TENM1: variants seen among roughly 807,000 people sequenced by gnomAD.
TENM1 encodes the protein teneurin-1.
Under a neutral mutation model 174.8 loss-of-function variants are expected in TENM1, and 35 were observed. The ratio of observed to expected loss-of-function variants is 0.20; its 90% CI spans 0.15 to 0.27. The LOEUF is 0.27. Ranked by LOEUF, TENM1 falls within the 10% of genes least tolerant of loss-of-function variation. The pLI is 1.00. For missense variants in TENM1, 1,633 were observed against 2,130.1 expected (o/e 0.77, Z 4.59); for synonymous variants, 781 against 798.7 (o/e 0.98, Z 0.37).
At chrX:124,891,655 CA>C (rs776826752) in intron 3 of TENM1, among the ~76,000 whole-genome samples, 1,404 of 84,024 alleles carry the variant, frequency 0.017, 17 homozygotes, top group African/African-American at 0.039. Flanking sequence ...AAGACTCTGT[CA>C]AAAAAAAAAA....
At chrX:124,900,276 A>T (rs2057636289) in intron 1 of TENM1, among the ~76,000 whole-genome samples, 1 of 111,962 alleles carries the variant, frequency 8.9e-6, no homozygotes, top group African/African-American at 3.3e-5. Flanking sequence ...TGCTAAGTGA[A>T]AGAAGACAGA....
chrX:124,914,011 T>G (rs773012789), intron 1 of TENM1, among the ~76,000 whole-genome samples: 1 of 111,988 alleles, frequency 8.9e-6, no homozygotes, highest in South Asian at 3.7e-4. Flanking sequence ...GCAAGGAAAC[T>G]GACTCTGAAG....
At chrX:124,647,484 G>C (rs190551968) in intron 8 of TENM1, among the ~76,000 whole-genome samples, 2 of 111,359 alleles carry the variant, frequency 1.8e-5, no homozygotes, top group Non-Finnish European at 3.8e-5. Context: ...CAGATGAATT[G>C]AGATGGCTTT....
chrX:124,563,238 G>T (rs1258412757), intron 13 of TENM1, among the ~76,000 whole-genome samples: 1 of 110,358 alleles, frequency 9.1e-6, no homozygotes, highest in African/African-American at 3.3e-5. Context: ...GCTCCTTGGA[G>T]GGATGGATGA....
intron 4 of TENM1, among the ~76,000 whole-genome samples, chrX:124,713,410 A>C (rs2053107337): frequency 9.0e-6 from 1 of 110,861 alleles, no homozygotes; most frequent in East Asian, 2.8e-4. Context: ...CTGGGATTAC[A>C]GGCATGTGGC....
At chrX:125,104,142 G>C in the TENM1 span, among the ~76,000 whole-genome samples, 3 of 112,087 alleles carry the variant, frequency 2.7e-5, no homozygotes, top group Non-Finnish European at 5.6e-5. Flanking sequence ...GGAGTCACCT[G>C]GGTCTGAATC....
chrX:124,963,970 AAC>A (rs769031598), upstream of TENM1, among the ~76,000 whole-genome samples: 22 of 111,615 alleles, frequency 2.0e-4, no homozygotes, highest in Non-Finnish European at 3.2e-4. Context: ...AGGCAATAAT[AAC>A]ACTCTGTGTT....
chrX:124,742,357 C>A lies in TENM1; in HGVS notation c.536-5160G>T, dbSNP rs1018670771. Among the ~76,000 whole-genome samples, 7 of 110,937 alleles carry A rather than the reference C, an allele frequency of 6.3e-5. No individual in the cohort carries two copies. The Admixed American group carries it at 6.8e-4, about 11-fold the overall frequency. On this transcript the variant is annotated intron_variant, in intron 3 of 31. Transcript: ENST00000422452. ...TAGCTCCACAATTCTTTATCTACAA[C>A]TATGGAATCAAAGAATCTCTGAAAA...
chrX:125,114,463 T>G, the TENM1 span, among the ~76,000 whole-genome samples: 1 of 111,259 alleles, frequency 9.0e-6, no homozygotes, highest in Non-Finnish European at 1.9e-5. Context: ...GCTGGTTTTT[T>G]GAAAAGATTA....
chrX:124,486,827 A>T (rs2046963746), intron 21 of TENM1, among the ~76,000 whole-genome samples: 1 of 111,861 alleles, frequency 8.9e-6, no homozygotes. Context: ...GTACTTCTGG[A>T]TCTAGGGAGA....
intron 22 of TENM1, among the ~76,000 whole-genome samples, chrX:124,466,223 T>C (rs1271696459): frequency 1.8e-5 from 2 of 112,302 alleles, no homozygotes; most frequent in Non-Finnish European, 3.7e-5. Context: ...ACTTTATATA[T>C]ATAAACACAC....
At chrX:124,486,478 G>A (rs769399978) in intron 21 of TENM1, among the ~76,000 whole-genome samples, 22 of 112,156 alleles carry the variant, frequency 2.0e-4, no homozygotes, top group African/African-American at 7.1e-4. Context: ...TTTAGGAAGT[G>A]GCATTGCCCA....
At chrX:125,153,907 T>C in the TENM1 span, among the ~76,000 whole-genome samples, 1 of 112,422 alleles carries the variant, frequency 8.9e-6, no homozygotes, top group African/African-American at 3.2e-5. Flanking sequence ...ACTACATGTA[T>C]GTTGTATCTA....
At chrX:125,066,525 A>G in the TENM1 span, among the ~76,000 whole-genome samples, 1 of 111,895 alleles carries the variant, frequency 8.9e-6, no homozygotes, top group African/African-American at 3.2e-5. Context: ...CCAAGGTTAT[A>G]TAAGACCTGC....
At position 124,495,699 on chromosome X, in the gene TENM1, A is replaced by G. The variant is rs753875286; in HGVS notation, c.3695+1317T>C. ...ACCTCTTCAAGGAGAACTACAAACC[A>G]CTGCTCAAGGAAATAAAAGAGGATA... On this transcript the variant is annotated intron_variant, in intron 20 of 31. Coordinates refer to ENST00000422452, the Ensembl canonical transcript of TENM1. Among the ~76,000 whole-genome samples, 388 of 106,268 alleles carry G rather than the reference A, an allele frequency of 3.7e-3. 3 individuals are homozygous for G. Among genetic ancestry groups the G allele is most frequent in the African/African-American group, 0.013 (367 of 28,488 alleles). 92.3% of individuals were successfully genotyped at this position (106,268 alleles called of 115,157 possible).
chrX:124,745,515 T>C (rs1449253793), intron 3 of TENM1, among the ~76,000 whole-genome samples: 2 of 111,356 alleles, frequency 1.8e-5, no homozygotes, highest in Admixed American at 1.9e-4. Context: ...TTAAAAAGTA[T>C]AGATGAGTGG....
At chrX:125,076,467 T>C in the TENM1 span, among the ~76,000 whole-genome samples, 5 of 111,620 alleles carry the variant, frequency 4.5e-5, no homozygotes, top group African/African-American at 1.3e-4. Context: ...AGTGTTTGAA[T>C]ATCATCATCA....
At chrX:125,202,619 C>T in the TENM1 span, among the ~76,000 whole-genome samples, 3 of 111,008 alleles carry the variant, frequency 2.7e-5, no homozygotes, top group Non-Finnish European at 5.7e-5. Flanking sequence ...CCGAAGCTGC[C>T]GACGGCGAGT....
At chrX:124,724,603 C>A (rs981119791) in intron 4 of TENM1, among the ~76,000 whole-genome samples, 2 of 111,244 alleles carry the variant, frequency 1.8e-5, no homozygotes, top group East Asian at 2.8e-4. Flanking sequence ...CCAGACTAGC[C>A]TGAGAAACAT....
Sources: gnomAD v4.1 joint callset for allele counts (sites outside exome capture counted in the v4.1 genomes callset) on GRCh38, gnomAD v4.1.1 for gene constraint, MANE v1.5 for transcripts, NCBI Gene and HGNC (gene_info 2026-07-23, HGNC 2026-07-21) for gene names.